The following VWA8 variants were observed in gnomAD, a reference collection of about 807,000 sequenced individuals.
The protein encoded by VWA8 is von Willebrand factor A domain-containing protein 8.
VWA8 carries 221 observed loss-of-function variants against 241.5 expected under a neutral mutation model. The ratio of observed to expected loss-of-function variants is 0.91; its 90% CI spans 0.82 to 1.02. VWA8 has a LOEUF of 1.02. Ranked by LOEUF, VWA8 falls within the 50% of genes least tolerant of loss-of-function variation. The pLI is 0.00. For synonymous variants in VWA8, 852 were observed against 827.1 expected (o/e 1.03, Z -0.52); for missense variants, 2,322 against 2,328.7 (o/e 1.00, Z 0.06).
intron 36 of VWA8, among the ~76,000 whole-genome samples, chr13:41,673,520 T>A (rs2045039986): frequency 6.6e-6 from 1 of 152,130 alleles, no homozygotes; most frequent in African/African-American, 2.4e-5. Context: ...ACACTTGAAA[T>A]GTGGCAAGTC....
At chr13:41,922,876 G>A (rs1279141953) in intron 2 of VWA8, among the ~76,000 whole-genome samples, 1 of 152,228 alleles carries the variant, frequency 6.6e-6, no homozygotes, top group East Asian at 1.9e-4. Flanking sequence ...AGACAGTGTG[G>A]TGATTCCTCA....
At position 41,771,147 on chromosome 13, in the gene VWA8, G is replaced by A. The variant is rs116953577; in HGVS notation, c.2349+6838C>T. Among the ~76,000 whole-genome samples the A allele has an allele frequency of 3.6e-3, 541 of 151,996 alleles. 8 individuals carry two copies. In the East Asian group the frequency reaches 0.05, roughly 14 times the overall value. On this transcript the variant is annotated intron_variant, in intron 20 of 44. Transcript: ENST00000379310. ...ATAATTCCTTTCTTTTTTTGAGATG[G>A]AGTCTCACTCTATCGCCCAGGCTAG... is the stretch of plus-strand genomic sequence containing the variant.
chr13:41,722,519 G>A (rs1386583983), intron 24 of VWA8, among the ~76,000 whole-genome samples: 1 of 152,122 alleles, frequency 6.6e-6, no homozygotes, highest in Non-Finnish European at 1.5e-5. Context: ...TGAAAGCCAT[G>A]ATATCTTCAA....
intron 21 of VWA8, among the ~76,000 whole-genome samples, chr13:41,742,490 C>A (rs1216969638): frequency 6.6e-6 from 1 of 151,968 alleles, no homozygotes; most frequent in Non-Finnish European, 1.5e-5. Flanking sequence ...TAACCATCAA[C>A]AAAAGTTTTT....
At chr13:41,609,479 GAGA>G (rs2044573683) in intron 39 of VWA8, among the ~76,000 whole-genome samples, 1 of 152,182 alleles carries the variant, frequency 6.6e-6, no homozygotes, top group Non-Finnish European at 1.5e-5. Context: ...CAAGCCAGCA[GAGA>G]AGACTAGGAG....
At chr13:41,745,560 C>T (rs1300543546) in intron 21 of VWA8, among the ~76,000 whole-genome samples, 1 of 152,146 alleles carries the variant, frequency 6.6e-6, no homozygotes, top group Non-Finnish European at 1.5e-5. Context: ...TATGAACAGA[C>T]ACTTCTCAAA....
chr13:41,590,498 C>CTTTT (rs5803096), intron 41 of VWA8, 142 bp downstream of exon 41: 5 of 654,552 alleles, frequency 7.6e-6, no homozygotes, highest in African/African-American at 6.4e-5. Flanking sequence ...TCTTCTTCTT[C>CTTTT]TTTTTTTTTT....
At chr13:41,899,622 G>C (rs76864474) in intron 4 of VWA8, among the ~76,000 whole-genome samples, 2,217 of 152,170 alleles carry the variant, frequency 0.015, 38 homozygotes, top group East Asian at 0.058. Context: ...CCTTAAAATA[G>C]CCTATAAAAT....
rs1369718601 is a variant in VWA8, at chr13:41,699,241, T to G, written c.3394A>C (p.Thr1132Pro). ...ENEQNTLYVV[T>P]CNPASLYFMN... The stretch of plus-strand genomic sequence containing the variant: ...AAGTACAGGGAAGCGGGATTGCATG[T>G]AACTACATAGAGAGTATTTTGCTCA... The change falls in exon 29 of 45, where the codon ACA becomes CCA. Residue 1132 changes from threonine (T) to proline (P), a missense_variant. Coordinates refer to ENST00000379310, the MANE Select transcript of VWA8 (RefSeq NM_015058.2). 3 of 1,614,092 alleles carry G rather than the reference T, an allele frequency of 1.9e-6. No homozygotes were observed. The African/African-American group carries it at 4.0e-5, about 22-fold the overall frequency.
chr13:41,701,108 C>T (rs1299475379), intron 28 of VWA8, among the ~76,000 whole-genome samples: 1 of 152,138 alleles, frequency 6.6e-6, no homozygotes, highest in Non-Finnish European at 1.5e-5. Flanking sequence ...TTATTTTTCC[C>T]TTCTATTTTT....
chr13:41,926,137 T>C (rs145060218), intron 2 of VWA8: 7 of 589,792 alleles, frequency 1.2e-5, no homozygotes, highest in African/African-American at 9.3e-5. Context: ...GGAGACATAA[T>C]TGGAGTTCAG....
chr13:41,594,402 C>T (rs554235978), intron 40 of VWA8, among the ~76,000 whole-genome samples: 207 of 152,118 alleles, frequency 1.4e-3, no homozygotes, highest in African/African-American at 4.8e-3. Flanking sequence ...AGTGCTGGGA[C>T]TATGGGTGTG....
chr13:41,792,490 C>T (rs1447447583), intron 17 of VWA8, among the ~76,000 whole-genome samples: 1 of 151,742 alleles, frequency 6.6e-6, no homozygotes, highest in East Asian at 1.9e-4. Context: ...TTCCCTGTAC[C>T]AACACATACT....
intron 37 of VWA8, among the ~76,000 whole-genome samples, 167 bp downstream of exon 37, chr13:41,670,778 GA>G (rs2045016743): frequency 6.6e-6 from 1 of 152,178 alleles, no homozygotes; most frequent in Admixed American, 6.5e-5. Context: ...TCATCATTTA[GA>G]TGGAGAATTT....
chr13:41,842,853 T>G (rs559337921), intron 12 of VWA8, among the ~76,000 whole-genome samples: 1 of 152,282 alleles, frequency 6.6e-6, no homozygotes, highest in South Asian at 2.1e-4. Context: ...AGCATTCTCA[T>G]GTACAAGAGA....
chr13:41,586,882 G>A (rs1402003640), intron 42 of VWA8, among the ~76,000 whole-genome samples: 2 of 152,030 alleles, frequency 1.3e-5, no homozygotes, highest in Admixed American at 1.3e-4. Context: ...CTCTGGTAAG[G>A]GCCAGAAGTG....
At chr13:41,949,031 T>TCA (rs1877993169) in intron 2 of VWA8, among the ~76,000 whole-genome samples, 1 of 63,390 alleles carries the variant, frequency 1.6e-5, no homozygotes. Flanking sequence ...TCTACCATCA[T>TCA]AAAAAAAAAA....
At chr13:41,754,834 C>T (rs534975368) in intron 21 of VWA8, among the ~76,000 whole-genome samples, 18 of 151,968 alleles carry the variant, frequency 1.2e-4, no homozygotes, top group East Asian at 3.9e-4. Context: ...TTAGCTCTTA[C>T]AAATAAGTGA....
At chr13:41,689,618 G>C (rs1441008966) in intron 33 of VWA8, 110 bp from the exon 34 acceptor site, 1 of 1,124,624 alleles carries the variant, frequency 8.9e-7, no homozygotes, top group Non-Finnish European at 1.2e-6. Flanking sequence ...AGTTAAAAAA[G>C]AGAAAACATT....
Sources: gnomAD v4.1 joint callset for allele counts (sites outside exome capture counted in the v4.1 genomes callset) on GRCh38, gnomAD v4.1.1 for gene constraint, MANE v1.5 for transcripts, NCBI Gene and HGNC (gene_info 2026-07-23, HGNC 2026-07-21) for gene names.